The following PXYLP1 variants were observed in gnomAD, a reference collection of about 807,000 sequenced individuals.
PXYLP1 encodes acid phosphatase-like 2.
In PXYLP1, 17 loss-of-function variants were observed where a neutral mutation model predicts 37.9. The ratio of observed to expected loss-of-function variants is 0.45; its 90% CI spans 0.31 to 0.67. PXYLP1 has a LOEUF of 0.67. Ranked by LOEUF, PXYLP1 falls within the 30% of genes least tolerant of loss-of-function variation. The pLI is 0.07. For missense variants in PXYLP1, 511 were observed against 612.0 expected (o/e 0.84, Z 1.74); for synonymous variants, 221 against 232.2 (o/e 0.95, Z 0.44).
chr3:141,278,549 ATTCCAG>A, intron 3 of PXYLP1, 49 bp downstream of exon 3: 1 of 1,604,418 alleles, frequency 6.2e-7, no homozygotes, highest in Non-Finnish European at 8.5e-7. Flanking sequence ...GGGACTAGTT[ATTCCAG>A]CAGCATTGCA....
At chr3:141,272,926 A>G (rs1401492589) in intron 2 of PXYLP1, 1 of 930,844 alleles carries the variant, frequency 1.1e-6, no homozygotes, top group Non-Finnish European at 1.3e-6. Context: ...ACCAAGGAGC[A>G]ATACTTTGTG....
chr3:141,258,998 G>A (rs1329106867), intron 1 of PXYLP1, among the ~76,000 whole-genome samples: 3 of 152,212 alleles, frequency 2.0e-5, no homozygotes. Flanking sequence ...GTCACCTACT[G>A]GGCCCTTGGG....
Position 141,248,558 on chromosome 3 carries a change from C to T in PXYLP1, c.-53-11565C>T, listed in dbSNP as rs79639773. 4.7e-4 allele frequency among the ~76,000 whole-genome samples: 62 copies of T among 133,234 alleles called. 3 individuals carry two copies. Among genetic ancestry groups the T allele is most frequent in the African/African-American group, 1.8e-3 (55 of 30,748 alleles). 87.4% of individuals were successfully genotyped at this position (133,234 alleles called of 152,430 possible). On this transcript the variant is annotated intron_variant, in intron 1 of 5. Transcript: ENST00000286353. Reference sequence around the variant, plus strand: ...ATATACACACACGTATATATACACACGTGTATATATATACACACATGTATA... The same window carrying T: ...ATATACACACACGTATATATACACATGTGTATATATATACACACATGTATA...
intron 2 of PXYLP1, among the ~76,000 whole-genome samples, chr3:141,275,855 A>G (rs1941781577): frequency 1.3e-5 from 2 of 152,256 alleles, no homozygotes. Flanking sequence ...ATATTTCTAT[A>G]CATATAGAAT....
At chr3:141,238,936 G>A (rs753881884) in intron 1 of PXYLP1, among the ~76,000 whole-genome samples, 1 of 152,018 alleles carries the variant, frequency 6.6e-6, no homozygotes, top group Non-Finnish European at 1.5e-5. Flanking sequence ...GAAGAGGAGG[G>A]GTTGGTCTTG....
intron 2 of PXYLP1, among the ~76,000 whole-genome samples, chr3:141,269,317 C>A (rs1285480009): frequency 6.6e-6 from 1 of 152,206 alleles, no homozygotes; most frequent in Non-Finnish European, 1.5e-5. Flanking sequence ...GGGACAGAAG[C>A]ACATGTTTAG....
At chr3:141,242,061 A>C (rs890537354) in intron 1 of PXYLP1, among the ~76,000 whole-genome samples, 1 of 152,214 alleles carries the variant, frequency 6.6e-6, no homozygotes, top group Non-Finnish European at 1.5e-5. Flanking sequence ...GAGATTTTTG[A>C]TGGAGCACTT....
intron 2 of PXYLP1, among the ~76,000 whole-genome samples, chr3:141,275,682 A>C (rs932353913): frequency 6.6e-6 from 1 of 152,218 alleles, no homozygotes; most frequent in Non-Finnish European, 1.5e-5. Context: ...TACTGGAAAG[A>C]AAGTGGCCCT....
intron 1 of PXYLP1, chr3:141,258,353 G>A (rs1941312925): frequency 6.6e-6 from 1 of 152,326 alleles, no homozygotes; most frequent in Non-Finnish European, 1.5e-5. Flanking sequence ...CTCGGTTAGG[G>A]ATAGTGACTC....
At chr3:141,282,428 C>T (rs1941975046) in intron 4 of PXYLP1, among the ~76,000 whole-genome samples, 1 of 151,986 alleles carries the variant, frequency 6.6e-6, no homozygotes, top group Non-Finnish European at 1.5e-5. Context: ...CTCCCACAGC[C>T]CCCTTAGCCT....
intron 5 of PXYLP1, among the ~76,000 whole-genome samples, chr3:141,291,095 T>G (rs1483803752): frequency 2.0e-5 from 3 of 152,156 alleles, no homozygotes; most frequent in African/African-American, 7.2e-5. Context: ...CCTTTGTGGG[T>G]TTTGCTGAGC....
At chr3:141,268,726 CACCATCCTGCCCTCACT>C (rs1040225450) in intron 2 of PXYLP1, among the ~76,000 whole-genome samples, 1 of 152,192 alleles carries the variant, frequency 6.6e-6, no homozygotes, top group African/African-American at 2.4e-5. Flanking sequence ...GGGACTGCCT[CACCATCCTGCCCTCACT>C]ACCATCCTGC....
intron 1 of PXYLP1, among the ~76,000 whole-genome samples, chr3:141,255,797 G>C (rs1941250825): frequency 6.6e-6 from 1 of 152,250 alleles, no homozygotes. Flanking sequence ...TGGAAAGGGG[G>C]AAAGGGAGCT....
At chr3:141,267,834 CCTCT>C (rs1223947396) in intron 2 of PXYLP1, among the ~76,000 whole-genome samples, 1 of 150,960 alleles carries the variant, frequency 6.6e-6, no homozygotes, top group African/African-American at 2.5e-5. Flanking sequence ...TCCCTCCCTC[CCTCT>C]CTGTCTCCCT....
chr3:141,267,244 G>A (rs781121016), intron 2 of PXYLP1: 1 of 152,230 alleles, frequency 6.6e-6, no homozygotes, highest in Non-Finnish European at 1.5e-5. Context: ...ATGTTTGAAT[G>A]TGGGGATGCG....
intron 1 of PXYLP1, among the ~76,000 whole-genome samples, chr3:141,248,646 TATATACACACGTATATATACACACAC>T (rs1941039930): frequency 9.3e-6 from 1 of 108,046 alleles, no homozygotes; most frequent in Non-Finnish European, 1.9e-5. Context: ...CACACGTGTA[TATATACACACGTATATATACACACAC>T]GTGTATATAT....
intron 1 of PXYLP1, among the ~76,000 whole-genome samples, chr3:141,248,002 G>A (rs963808273): frequency 2.7e-5 from 4 of 146,270 alleles, no homozygotes; most frequent in Non-Finnish European, 6.0e-5. Context: ...AAGCTTCGGA[G>A]CTTTTAAGAG....
chr3:141,289,622 T>C (rs1392811175), intron 5 of PXYLP1, among the ~76,000 whole-genome samples: 1 of 152,220 alleles, frequency 6.6e-6, no homozygotes, highest in Non-Finnish European at 1.5e-5. Flanking sequence ...ACCAGACCTC[T>C]AGAGACTGGA....
intron 5 of PXYLP1, among the ~76,000 whole-genome samples, chr3:141,290,356 T>C (rs1942173146): frequency 6.6e-6 from 1 of 152,232 alleles, no homozygotes. Context: ...GAGGAGCCTG[T>C]CTTCCCAGTG....
Sources: allele counts gnomAD v4.1 joint callset (sites outside exome capture counted in the v4.1 genomes callset), GRCh38; gene constraint gnomAD v4.1.1; transcripts MANE v1.5; gene names NCBI Gene and HGNC (gene_info 2026-07-23, HGNC 2026-07-21).